Variants in DACH2 observed in about 807,000 individuals in gnomAD.
The protein encoded by DACH2 is dachshund family transcription factor 2.
DACH2 carries 17 observed loss-of-function variants against 35.8 expected under a neutral mutation model. The ratio of observed to expected loss-of-function variants is 0.48; its 90% CI spans 0.33 to 0.71. The LOEUF (loss-of-function observed/expected upper bound fraction) is 0.71. Among genes scored for constraint, DACH2 ranks in the 30% least tolerant of loss-of-function variants. The pLI is 0.02. For missense variants in DACH2, 469 were observed against 472.7 expected (o/e 0.99, Z 0.07); for synonymous variants, 195 against 177.3 (o/e 1.10, Z -0.79).
intron 3 of DACH2, among the ~76,000 whole-genome samples, chrX:86,614,138 T>C (rs1321631388): frequency 8.9e-6 from 1 of 111,892 alleles, no homozygotes; most frequent in Non-Finnish European, 1.9e-5. Flanking sequence ...ACATTTTCTT[T>C]ATTGATTTTT....
intron 1 of DACH2, among the ~76,000 whole-genome samples, chrX:86,308,198 A>G (rs2034726873): frequency 8.9e-6 from 1 of 112,673 alleles, no homozygotes; most frequent in South Asian, 3.7e-4. Context: ...TGAGAGCAGT[A>G]CTTGCATTTT....
intron 5 of DACH2, among the ~76,000 whole-genome samples, chrX:86,708,389 A>C (rs2041242639): frequency 9.0e-6 from 1 of 111,558 alleles, no homozygotes. Flanking sequence ...AAATTTCAAA[A>C]GATTTTACAA....
At chrX:86,386,699 G>A (rs1454250905) in intron 2 of DACH2, among the ~76,000 whole-genome samples, 1 of 111,117 alleles carries the variant, frequency 9.0e-6, no homozygotes, top group Non-Finnish European at 1.9e-5. Flanking sequence ...AGGCTCCTGC[G>A]TACCTTTGAC....
intron 1 of DACH2, among the ~76,000 whole-genome samples, chrX:86,278,677 A>C (rs148467261): frequency 0.011 from 1,247 of 111,879 alleles, 13 homozygotes; most frequent in African/African-American, 0.039. Flanking sequence ...GACACCTGGA[A>C]TGTCAGCGAG....
intron 1 of DACH2, among the ~76,000 whole-genome samples, chrX:86,368,327 T>C (rs2035835369): frequency 9.0e-6 from 1 of 111,397 alleles, no homozygotes; most frequent in African/African-American, 3.3e-5. Flanking sequence ...TGATGTAAGA[T>C]ACTATGGTTG....
chrX:86,334,527 CAT>C lies in DACH2; in HGVS notation c.489-42294_489-42293del, dbSNP rs747906761. Among the ~76,000 whole-genome samples, 40 of 112,360 alleles carry C rather than the reference CAT, an allele frequency of 3.6e-4. No individual in the cohort carries two copies. In the East Asian group the frequency reaches 3.9e-3, roughly 11 times the overall value. ...TGACCACAGATGATGAGCCTTTTTTCATATGTTTGCTGACTGCATAAATGTCT... is the reference window on the plus strand; with the variant it reads ...TGACCACAGATGATGAGCCTTTTTTCATGTTTGCTGACTGCATAAATGTCT... On this transcript the variant is annotated intron_variant, in intron 1 of 11. Transcript: ENST00000373125.
chrX:86,773,451 C>T, intron 7 of DACH2, among the ~76,000 whole-genome samples: 1 of 111,924 alleles, frequency 8.9e-6, no homozygotes, highest in South Asian at 3.7e-4. Context: ...AATGCATATA[C>T]TTCAAGCTTG....
At chrX:86,598,163 G>C (rs1160452763) in intron 3 of DACH2, among the ~76,000 whole-genome samples, 1 of 111,702 alleles carries the variant, frequency 9.0e-6, no homozygotes, top group East Asian at 2.8e-4. Flanking sequence ...TTCAAGATGA[G>C]ATTTGGGTGG....
intron 7 of DACH2, among the ~76,000 whole-genome samples, chrX:86,784,470 C>A (rs2042119031): frequency 1.8e-5 from 2 of 111,659 alleles, no homozygotes; most frequent in South Asian, 3.7e-4. Flanking sequence ...AATAAAAAAT[C>A]AAAAATAACA....
intron 3 of DACH2, among the ~76,000 whole-genome samples, chrX:86,550,104 A>T (rs886967735): frequency 9.0e-6 from 1 of 111,522 alleles, no homozygotes; most frequent in Non-Finnish European, 1.9e-5. Context: ...TGAATGCAAA[A>T]TGTTATACAC....
chrX:86,815,239 G>A (rs1175763817), intron 10 of DACH2, among the ~76,000 whole-genome samples: 4 of 111,428 alleles, frequency 3.6e-5, no homozygotes, highest in Non-Finnish European at 7.5e-5. Flanking sequence ...TTGCATCAGT[G>A]TTGCCATGCC....
At chrX:86,172,022 C>T (rs2031142848) in intron 1 of DACH2, among the ~76,000 whole-genome samples, 1 of 112,039 alleles carries the variant, frequency 8.9e-6, no homozygotes, top group Non-Finnish European at 1.9e-5. Context: ...ATTTGAACAA[C>T]TGCATTCGAG....
Position 86,280,905 on chromosome X carries a change from C to T in DACH2, c.489-95919C>T, listed in dbSNP as rs1366585083. Reference sequence around the variant, plus strand: ...CAATGCAATAAGAAGAGCTAACTACCCTAAATATATATGCACCAAATACAG... The same window carrying T: ...CAATGCAATAAGAAGAGCTAACTACTCTAAATATATATGCACCAAATACAG... On this transcript the variant is annotated intron_variant, in intron 1 of 11. Transcript: ENST00000373125. 7.2e-5 allele frequency among the ~76,000 whole-genome samples: 8 copies of T among 111,459 alleles called. No individual in the cohort carries two copies. In the Admixed American group the frequency reaches 7.6e-4, roughly 11 times the overall value.
chrX:86,772,757 G>A (rs9943016), intron 7 of DACH2, among the ~76,000 whole-genome samples: 3,321 of 111,266 alleles, frequency 0.03, 120 homozygotes, highest in African/African-American at 0.1. Context: ...GTGTTCCAAA[G>A]CGGCTTCCAT....
chrX:86,809,327 C>T (rs1395600604), intron 7 of DACH2, among the ~76,000 whole-genome samples: 3 of 110,871 alleles, frequency 2.7e-5, no homozygotes, highest in Non-Finnish European at 5.7e-5. Context: ...CTAGAACTTG[C>T]CCATTTAAAA....
rs775550295 is a variant in DACH2 at position 86,473,514 on chromosome X, C to G, written c.528-40765C>G. 7.6e-4 allele frequency among the ~76,000 whole-genome samples: 85 copies of G among 111,179 alleles called. 1 individual carries two copies. The highest frequency in any genetic ancestry group is 1.3e-3 in the Non-Finnish European group (70 of 52,911). Reference sequence around the variant, plus strand: ...ACTATCCCTACTTACCTTCCTCCCCCATCACCCACTACCCTTCCAAGCCTC... The same window carrying G: ...ACTATCCCTACTTACCTTCCTCCCCGATCACCCACTACCCTTCCAAGCCTC... On this transcript the variant is annotated intron_variant, in intron 2 of 11. Transcript: ENST00000373125.
chrX:86,817,219 C>T (rs770588409), intron 11 of DACH2, among the ~76,000 whole-genome samples: 31 of 111,827 alleles, frequency 2.8e-4, no homozygotes, highest in Non-Finnish European at 4.3e-4. Flanking sequence ...TTAACTCATT[C>T]GATGAAGCTT....
intron 3 of DACH2, among the ~76,000 whole-genome samples, chrX:86,646,407 T>C (rs2040415867): frequency 9.1e-6 from 1 of 110,479 alleles, no homozygotes; most frequent in African/African-American, 3.3e-5. Flanking sequence ...AATATATCCA[T>C]AAAACTGCAC....
intron 6 of DACH2, among the ~76,000 whole-genome samples, chrX:86,717,931 G>A (rs918127158): frequency 3.7e-5 from 4 of 108,061 alleles, no homozygotes; most frequent in Admixed American, 2.0e-4. Context: ...TAGGTTGATC[G>A]TATATCATTG....
Sources: allele counts gnomAD v4.1 joint callset (sites outside exome capture counted in the v4.1 genomes callset), GRCh38; gene constraint gnomAD v4.1.1; transcripts MANE v1.5; gene names NCBI Gene and HGNC (gene_info 2026-07-23, HGNC 2026-07-21).